Variants in RAD9B observed in about 807,000 individuals in gnomAD.
The protein encoded by RAD9B is cell cycle checkpoint control protein RAD9B.
In RAD9B, 41 loss-of-function variants were observed where a neutral mutation model predicts 48.3. That is an observed-to-expected ratio of 0.85 (90% CI 0.66 to 1.10). The LOEUF (loss-of-function observed/expected upper bound fraction) is 1.10, where lower values mean the gene tolerates loss of function less well. Among genes scored for constraint, RAD9B ranks in the 50% least tolerant of loss-of-function variants. RAD9B has a pLI of 0.00. For missense variants in RAD9B, 444 were observed against 485.1 expected (o/e 0.92, Z 0.80); for synonymous variants, 160 against 157.9 (o/e 1.01, Z -0.10).
At chr12:110,508,500 A>G (rs183884640) in intron 4 of RAD9B, among the ~76,000 whole-genome samples, 1 of 152,240 alleles carries the variant, frequency 6.6e-6, no homozygotes, top group African/African-American at 2.4e-5. Flanking sequence ...GTTATATGAT[A>G]CTATGCCTTA....
At chr12:110,524,991 T>A (rs2063891207) in intron 10 of RAD9B, among the ~76,000 whole-genome samples, 1 of 152,086 alleles carries the variant, frequency 6.6e-6, no homozygotes, top group South Asian at 2.1e-4. Flanking sequence ...CTTCTTTTTA[T>A]TTATTTGGTT....
chr12:110,511,164 G>T (rs990359537), intron 4 of RAD9B, among the ~76,000 whole-genome samples: 6 of 152,124 alleles, frequency 3.9e-5, no homozygotes, highest in African/African-American at 1.4e-4. Flanking sequence ...GAAACTACCT[G>T]TATTTTGGAG....
intron 4 of RAD9B, among the ~76,000 whole-genome samples, chr12:110,510,370 C>T (rs180944875): frequency 7.2e-4 from 109 of 152,320 alleles, no homozygotes; most frequent in African/African-American, 2.5e-3. Flanking sequence ...TGCAGCCCCT[C>T]CCTTCAATAC....
intron 5 of RAD9B, 63 bp from the exon 6 acceptor site, chr12:110,514,987 A>T: frequency 1.0e-6 from 1 of 985,712 alleles, no homozygotes; most frequent in Non-Finnish European, 1.5e-6. Flanking sequence ...AGTCCCAGTT[A>T]ATAAGGTATG....
rs1174769021 is a variant in RAD9B at position 110,515,199 on chromosome 12, TC to T, written c.595+45del. 3 of 993,476 alleles carry T rather than the reference TC, an allele frequency of 3.0e-6. No homozygotes were observed. The South Asian group carries it at 4.3e-5, about 14-fold the overall frequency. 61.5% of individuals were successfully genotyped at this position (993,476 alleles called of 1,614,324 possible). A position where few individuals can be genotyped will look rare whatever the true frequency, so the allele number is the denominator to read the frequency against. On this transcript the variant is annotated intron_variant, in intron 6 of 10. Coordinates refer to ENST00000409300, the MANE Select transcript of RAD9B (RefSeq NM_001286535.2). ...AATGGTGTTTTGATGGGTTATTACT[TC>T]CTGTCTCTCGATTACTAACCATACT...
At chr12:110,507,568 T>A in intron 4 of RAD9B, among the ~76,000 whole-genome samples, 2 of 142,310 alleles carry the variant, frequency 1.4e-5, no homozygotes, top group African/African-American at 5.2e-5. Flanking sequence ...TATATATGTA[T>A]TATATATGTA....
Position 110,531,177 on chromosome 12 carries a change from G to T in RAD9B, c.*524G>T. ...ATAAACCCTGGAAAAAAGATCAAGA[G>T]TAAAAATATATAGTCACTTTCACTT... On this transcript the variant is annotated 3_prime_UTR_variant, in exon 11 of 11. Transcript: ENST00000409300. 1 of 987,516 alleles carries T rather than the reference G, an allele frequency of 1.0e-6. No individual in the cohort carries two copies. The highest frequency in any genetic ancestry group is 1.2e-6 in the Non-Finnish European group (1 of 825,650). The allele number at this position is 987,516 out of a possible 1,614,324, so 61.2% of individuals were successfully genotyped here.
intron 10 of RAD9B, among the ~76,000 whole-genome samples, chr12:110,522,961 A>G (rs1210745736): frequency 6.6e-6 from 1 of 152,196 alleles, no homozygotes; most frequent in African/African-American, 2.4e-5. Context: ...TACGAAATCT[A>G]CTGAACTGAA....
rs1315389345 is a variant in RAD9B, at chr12:110,518,753, G to GAGAT, written c.675_678dup (p.Thr227AspfsTer27). 1.2e-6 allele frequency: 2 copies of GAGAT among 1,607,512 alleles called. No homozygotes were observed. The highest frequency in any genetic ancestry group is 3.4e-5 in the Admixed American group (2 of 59,326). On this transcript the variant is annotated frameshift_variant, in exon 7 of 11. Transcript: ENST00000409300. LOFTEE classifies it high-confidence loss of function. ...CTTCTTTCAAATTGGAATGGACACT[G>GAGAT]AGATAACATTTTGTTTCAAAGAATT...
At chr12:110,528,709 C>T (rs894881836) in intron 10 of RAD9B, among the ~76,000 whole-genome samples, 4 of 152,164 alleles carry the variant, frequency 2.6e-5, no homozygotes, top group African/African-American at 9.7e-5. Context: ...ATATGGGGGT[C>T]AGTGAGGGAG....
At position 110,518,913 on chromosome 12, in the gene RAD9B, T is replaced by C; in HGVS notation, c.742T>C (p.Ser248Pro). The change falls in exon 8 of 11, where the codon TCC (serine) becomes CCC (proline). Residue 248 changes from serine (S) to proline (P), a missense_variant. Transcript: ENST00000409300. ...TTCAGAAGCTACACATGCTCCTATA[T>C]CCATTTATTTTGATTTCCCTGGGAA... is the stretch of plus-strand genomic sequence containing the variant. The part of the protein sequence containing the change: ...TFSEATHAPI[S>P]IYFDFPGKPL... 1 of 1,571,458 alleles carries C rather than the reference T, an allele frequency of 6.4e-7. No homozygotes were observed. The highest frequency in any genetic ancestry group is 8.6e-7 in the Non-Finnish European group (1 of 1,159,104).
intron 8 of RAD9B, among the ~76,000 whole-genome samples, chr12:110,519,197 G>C (rs903488219): frequency 5.3e-5 from 8 of 151,638 alleles, no homozygotes; most frequent in African/African-American, 1.7e-4. Context: ...TCTGCCTCCC[G>C]GGTTCAAGCA....
rs769418493 is a variant in RAD9B, at chr12:110,512,877, A to C, written c.487A>C (p.Arg163=). ...VCTNTLMIQP[R]LLADAIVLFT... is the part of the protein sequence containing the mutation. ...TACTAATACGCTAATGATTCAACCA[A>C]GGTAATGAGTTCTCTGTTGTCAGTT... The change falls in exon 5 of 11, where the codon AGA becomes CGA. Residue 163 remains arginine, a splice_region_variant and synonymous_variant. Transcript: ENST00000409300. 1.4e-6 allele frequency: 2 copies of C among 1,471,078 alleles called. No individual in the cohort carries two copies. Among genetic ancestry groups the C allele is most frequent in the African/African-American group, 1.4e-5 (1 of 71,798 alleles). The allele number at this position is 1,471,078 out of a possible 1,614,324, so 91.1% of individuals were successfully genotyped here.
chr12:110,529,189 C>T (rs986574867), intron 10 of RAD9B, among the ~76,000 whole-genome samples: 4 of 152,008 alleles, frequency 2.6e-5, no homozygotes, highest in Non-Finnish European at 5.9e-5. Flanking sequence ...CTCTTGTTGC[C>T]CAGGCTGGCA....
At chr12:110,525,502 T>G (rs994957169) in intron 10 of RAD9B, among the ~76,000 whole-genome samples, 5 of 152,162 alleles carry the variant, frequency 3.3e-5, no homozygotes, top group African/African-American at 1.2e-4. Flanking sequence ...ATGATTCAAT[T>G]TAAACTATGT....
chr12:110,506,331 G>A (rs1269265296), intron 3 of RAD9B, among the ~76,000 whole-genome samples: 1 of 151,918 alleles, frequency 6.6e-6, no homozygotes, highest in Non-Finnish European at 1.5e-5. Flanking sequence ...TGGGACTACA[G>A]GCGCCCGCCA....
At position 110,531,826 on chromosome 12, in the gene RAD9B, A is replaced by C. The variant is rs2135749574; in HGVS notation, c.*1173A>C. ...CCCTCCCCCAAACCTGTTTACAGTCAATTATAACCTGACAAACGAGACTTT... is the reference window on the plus strand; with the variant it reads ...CCCTCCCCCAAACCTGTTTACAGTCCATTATAACCTGACAAACGAGACTTT... On this transcript the variant is annotated 3_prime_UTR_variant, in exon 11 of 11. Coordinates refer to ENST00000409300, the MANE Select transcript of RAD9B (RefSeq NM_001286535.2). 1.9e-6 allele frequency: 1 copy of C among 531,282 alleles called. No homozygotes were observed. The highest frequency in any genetic ancestry group is 3.3e-6 in the Non-Finnish European group (1 of 304,584). The allele number at this position is 531,282 out of a possible 1,614,324, so 32.9% of individuals were successfully genotyped here.
At chr12:110,512,502 CAAAA>C (rs1413261597) in intron 4 of RAD9B, among the ~76,000 whole-genome samples, 1 of 151,906 alleles carries the variant, frequency 6.6e-6, no homozygotes, top group Non-Finnish European at 1.5e-5. Context: ...AATATATTAA[CAAAA>C]GAAGAACAAG....
At chr12:110,518,615 T>C in intron 6 of RAD9B, 61 bp from the exon 7 acceptor site, 1 of 1,267,546 alleles carries the variant, frequency 7.9e-7, no homozygotes, top group African/African-American at 1.5e-5. Context: ...AAAATTCTTT[T>C]TTCCTCTAAA....
Sources: gnomAD v4.1 joint callset for allele counts (sites outside exome capture counted in the v4.1 genomes callset) on GRCh38, gnomAD v4.1.1 for gene constraint, MANE v1.5 for transcripts, NCBI Gene and HGNC (gene_info 2026-07-23, HGNC 2026-07-21) for gene names.